ABR: variants seen among roughly 807,000 people sequenced by gnomAD.
ABR encodes the protein ABR activator of RhoGEF and GTPase.
In ABR, 35 loss-of-function variants were observed where a neutral mutation model predicts 107.2. The observed-to-expected ratio is 0.33, with a 90% confidence interval of 0.25 to 0.43. The LOEUF (loss-of-function observed/expected upper bound fraction) is 0.43, where lower values mean the gene tolerates loss of function less well. ABR is among the 20% of genes least tolerant of loss of function. The pLI, the probability that ABR is intolerant of heterozygous loss-of-function variation, is 1.00. For synonymous variants in ABR, 498 were observed against 462.0 expected, an observed-to-expected ratio of 1.08 and a Z score of -1.00; for missense variants, 815 against 1,115.2, an observed-to-expected ratio of 0.73 and a Z score of 3.83.
intron 2 of ABR, among the ~76,000 whole-genome samples, chr17:1,120,206 C>T (rs2039286474): frequency 6.6e-6 from 1 of 152,106 alleles, no homozygotes; most frequent in African/African-American, 2.4e-5. Context: ...CTCTAAGCAG[C>T]TGTGATGAGG....
At chr17:1,033,132 A>T (rs995112038) in intron 16 of ABR, among the ~76,000 whole-genome samples, 7 of 152,176 alleles carry the variant, frequency 4.6e-5, no homozygotes, top group Admixed American at 1.3e-4. Context: ...CAGGAAAAAG[A>T]GCTGGGTCAG....
At chr17:1,006,433 G>A (rs1366508430) in intron 22 of ABR, among the ~76,000 whole-genome samples, 2 of 152,176 alleles carry the variant, frequency 1.3e-5, no homozygotes, top group Non-Finnish European at 2.9e-5. Context: ...TCTGGGTCTT[G>A]CAGGAATCCC....
chr17:1,216,509 C>T (rs1002926583), intron 1 of ABR, among the ~76,000 whole-genome samples: 6 of 152,214 alleles, frequency 3.9e-5, no homozygotes, highest in Non-Finnish European at 5.9e-5. Context: ...AGGGGCCCGT[C>T]GGCTCTAACT....
At position 1,049,582 on chromosome 17, in the gene ABR, A is replaced by AC. The variant is rs539413411; in HGVS notation, c.1791+467dup. On this transcript the variant is annotated intron_variant, in intron 16 of 22. Transcript: ENST00000302538. ...CGGCCACCCTAACAACAAGTCAGAG[A>AC]CCCCCCTCCCCCCAAGCCAACCAGC... Among the ~76,000 whole-genome samples, 685 of 150,844 alleles carry AC rather than the reference A, an allele frequency of 4.5e-3. 6 individuals carry two copies. Among genetic ancestry groups the AC allele is most frequent in the African/African-American group, 0.016 (653 of 41,018 alleles).
chr17:1,162,873 G>A (rs1312423255), intron 1 of ABR, among the ~76,000 whole-genome samples: 2 of 152,120 alleles, frequency 1.3e-5, no homozygotes, highest in African/African-American at 4.8e-5. Context: ...GGAGTTTGAG[G>A]CCAGCCTGGC....
At position 1,039,119 on chromosome 17, in the gene ABR, G is replaced by A. The variant is rs141870647; in HGVS notation, c.1791+10931C>T. ...GAGAACACCTTTTTTTGGTCTGTCG[G>A]GAGGCTGGATGTTCTCAGGGCCTGA... On this transcript the variant is annotated intron_variant, in intron 16 of 22. Transcript: ENST00000302538. Among the ~76,000 whole-genome samples the A allele has an allele frequency of 5.3e-5, 8 of 152,286 alleles. No homozygotes were observed. In the East Asian group the frequency reaches 1.4e-3, roughly 26 times the overall value.
rs2072265150 is a variant in ABR, at chr17:1,027,173, C to T, written c.1792-14009G>A. Among the ~76,000 whole-genome samples the T allele has an allele frequency of 6.6e-6, 1 of 152,230 alleles. No individual in the cohort carries two copies. The highest frequency in any genetic ancestry group is 6.5e-5 in the Admixed American group (1 of 15,280). ...GGCAGCTTTGGCCTTTGAGGAACCC[C>T]CTTGATTGGCAGGTTCTCCTCTCCC... On this transcript the variant is annotated intron_variant, in intron 16 of 22. Transcript: ENST00000302538. The surrounding 1 kb of genome is among the most constrained non-coding windows in gnomAD (Gnocchi z 4.7).
rs2035161033 is a variant in ABR at position 1,070,593 on chromosome 17, C to G, written c.895-503G>C. Among the ~76,000 whole-genome samples, 1 of 152,068 alleles carries G rather than the reference C, an allele frequency of 6.6e-6. No individual in the cohort carries two copies. The highest frequency in any genetic ancestry group is 2.4e-5 in the African/African-American group (1 of 41,404). ...CGAGACCCGAGACCCGAGACCCACTCAGGCCTGTCTGTGCTACTCCTCCCT... is the reference window on the plus strand; with the variant it reads ...CGAGACCCGAGACCCGAGACCCACTGAGGCCTGTCTGTGCTACTCCTCCCT... On this transcript the variant is annotated intron_variant, in intron 8 of 22. Coordinates refer to ENST00000302538, the MANE Select transcript of ABR (RefSeq NM_021962.5). This position sits in a 1 kb window ranked among gnomAD's most constrained non-coding sequence, Gnocchi z 4.2.
intron 4 of ABR, among the ~76,000 whole-genome samples, chr17:1,088,226 G>C (rs2036755796): frequency 1.3e-5 from 2 of 152,088 alleles, no homozygotes; most frequent in Admixed American, 6.5e-5. Flanking sequence ...CCAGGTCCAA[G>C]TGACAAAGAT....
At chr17:1,124,001 C>A (rs918311160) in intron 2 of ABR, among the ~76,000 whole-genome samples, 2 of 152,194 alleles carry the variant, frequency 1.3e-5, no homozygotes, top group African/African-American at 2.4e-5. Context: ...GCCCTTCCCA[C>A]AGGTGCACGC....
chr17:1,049,355 A>G (rs1185421512), intron 16 of ABR, among the ~76,000 whole-genome samples: 1 of 151,964 alleles, frequency 6.6e-6, no homozygotes, highest in Non-Finnish European at 1.5e-5. Context: ...TTTAGTAGAG[A>G]TGGGGTTTCG....
At chr17:1,026,909 C>T (rs557768548) in intron 16 of ABR, among the ~76,000 whole-genome samples, 1 of 152,088 alleles carries the variant, frequency 6.6e-6, no homozygotes, top group Admixed American at 6.5e-5. Context: ...AGACTCACAC[C>T]TGCAGGCTTG....
intron 10 of ABR, among the ~76,000 whole-genome samples, chr17:1,061,318 C>T (rs1377266847): frequency 6.6e-6 from 1 of 152,144 alleles, no homozygotes; most frequent in East Asian, 1.9e-4. Flanking sequence ...GCACTGTGGG[C>T]AGGGCCCAGC....
chr17:1,136,707 C>A (rs1271131102), intron 1 of ABR, among the ~76,000 whole-genome samples: 1 of 152,202 alleles, frequency 6.6e-6, no homozygotes, highest in Admixed American at 6.5e-5. Context: ...CTTTCCTCTG[C>A]AGCTTCCTCA....
At chr17:1,012,642 C>G in intron 18 of ABR, 46 bp downstream of exon 18, 1 of 1,454,356 alleles carries the variant, frequency 6.9e-7, no homozygotes, top group East Asian at 2.5e-5. Context: ...CTGGGGGGGA[C>G]CCGGGGCACC....
intron 1 of ABR, among the ~76,000 whole-genome samples, chr17:1,203,166 G>A (rs1049214990): frequency 3.9e-5 from 6 of 152,168 alleles, no homozygotes; most frequent in Non-Finnish European, 7.4e-5. Flanking sequence ...GATGACAGGC[G>A]TGAGCCATCG....
chr17:1,052,279 G>A (rs1025056556), intron 14 of ABR, among the ~76,000 whole-genome samples: 12 of 151,696 alleles, frequency 7.9e-5, no homozygotes, highest in African/African-American at 2.4e-4. Context: ...TGTTTGAGAC[G>A]GGCCATGAAG....
At position 1,179,394 on chromosome 17, in the gene ABR, G is replaced by A. The variant is rs1324909410; in HGVS notation, c.61+273C>T. On this transcript the variant is annotated intron_variant, in intron 1 of 22. Coordinates refer to ENST00000302538, the MANE Select transcript of ABR (RefSeq NM_021962.5). The surrounding 1 kb of genome is among the most constrained non-coding windows in gnomAD (Gnocchi z 4.9). The stretch of plus-strand genomic sequence containing the variant: ...GCAGCTCTCGGCTCGGTCCGCCCAC[G>A]GTCCCCGCCCCCGGACCGCAGGAAT... Among the ~76,000 whole-genome samples the A allele has an allele frequency of 2.0e-5, 3 of 151,964 alleles. No individual in the cohort carries two copies. Among genetic ancestry groups the A allele is most frequent in the African/African-American group, 7.3e-5 (3 of 41,354 alleles).
chr17:1,066,963 A>T, intron 10 of ABR, 114 bp downstream of exon 10: 2 of 1,122,500 alleles, frequency 1.8e-6, no homozygotes, highest in South Asian at 2.9e-5. Flanking sequence ...TCCCTTAGTA[A>T]CTACACACTC....
Sources: allele counts gnomAD v4.1 joint callset (sites outside exome capture counted in the v4.1 genomes callset), GRCh38; gene constraint gnomAD v4.1.1; non-coding constraint Gnocchi (gnomAD v3.1); transcripts MANE v1.5; gene names NCBI Gene and HGNC (gene_info 2026-07-23, HGNC 2026-07-21).